GRSF1: variants seen among roughly 807,000 people sequenced by gnomAD.
GRSF1 encodes G-rich RNA sequence binding factor 1.
GRSF1 carries 50 observed loss-of-function variants against 51.1 expected under a neutral mutation model. That is an observed-to-expected ratio of 0.98 (90% CI 0.78 to 1.24). The LOEUF is 1.24. Ranked by LOEUF, GRSF1 falls within the 50% of genes most tolerant of loss-of-function variation. GRSF1 has a pLI of 0.00. For synonymous variants in GRSF1, 293 were observed against 253.3 expected, an observed-to-expected ratio of 1.16 and a Z score of -1.49; for missense variants, 700 against 639.7, an observed-to-expected ratio of 1.09 and a Z score of -1.02.
At chr4:70,821,584 C>A (rs1440360712) in intron 9 of GRSF1, among the ~76,000 whole-genome samples, 1 of 139,512 alleles carries the variant, frequency 7.2e-6, no homozygotes, top group African/African-American at 2.7e-5. Context: ...CCAGCCTGGG[C>A]GACAGAGAGA....
At position 70,826,113 on chromosome 4, in the gene GRSF1, C is replaced by T. The variant is rs550582219; in HGVS notation, c.1257+11G>A. The T allele has an allele frequency of 1.9e-6, 3 of 1,604,560 alleles. No homozygotes were observed. In the African/African-American group the frequency reaches 4.0e-5, roughly 21 times the overall value. On this transcript the variant is annotated intron_variant, in intron 7 of 9. Coordinates refer to ENST00000254799, the MANE Select transcript of GRSF1 (RefSeq NM_002092.4). Reference sequence around the variant, plus strand: ...AAATCTATTGAGATTGGATATCTTACTGCCACACACGTTTATAATGTCTTG... The same window carrying T: ...AAATCTATTGAGATTGGATATCTTATTGCCACACACGTTTATAATGTCTTG...
At position 70,820,766 on chromosome 4, in the gene GRSF1, A is replaced by G. The variant is rs1733466402; in HGVS notation, c.*121T>C. Reference sequence around the variant, plus strand: ...TTCTTAGAAGCAATTAACCCAAAACACCAAAATCATTTCCCTAGCAGTTGC... The same window carrying G: ...TTCTTAGAAGCAATTAACCCAAAACGCCAAAATCATTTCCCTAGCAGTTGC... On this transcript the variant is annotated 3_prime_UTR_variant, in exon 10 of 10. Coordinates refer to ENST00000254799, the MANE Select transcript of GRSF1 (RefSeq NM_002092.4). 1 of 152,668 alleles carries G rather than the reference A, an allele frequency of 6.6e-6. No homozygotes were observed. The highest frequency in any genetic ancestry group is 2.4e-5 in the African/African-American group (1 of 41,448). 9.5% of individuals were successfully genotyped at this position (152,668 alleles called of 1,614,324 possible).
chr4:70,841,506 A>T (rs1387618529), upstream of GRSF1, among the ~76,000 whole-genome samples: 1 of 152,316 alleles, frequency 6.6e-6, no homozygotes, highest in South Asian at 2.1e-4. Context: ...TAGTATTTTT[A>T]AAAACTCCTT....
Position 70,832,307 on chromosome 4 carries a change from C to A in GRSF1, c.814G>T (p.Gly272Ter). The change falls in exon 4 of 10, where the codon GGA becomes TGA. Residue 272 changes from glycine (G) to a stop codon, truncating the protein, a stop_gained and splice_region_variant. Transcript: ENST00000254799. LOFTEE classifies it high-confidence loss of function. ...CAAGCATAATACAACTGCAAAGTACCTGCAAAGAAGTCTACAATGTCTTTC... is the reference window on the plus strand; with the variant it reads ...CAAGCATAATACAACTGCAAAGTACATGCAAAGAAGTCTACAATGTCTTTC... ...NEKDIVDFFA[G>*]LNIVDITFVM... 1 of 1,612,796 alleles carries A rather than the reference C, an allele frequency of 6.2e-7. No individual in the cohort carries two copies. The highest frequency in any genetic ancestry group is 8.5e-7 in the Non-Finnish European group (1 of 1,179,122).
chr4:70,817,785 C>A lies in GRSF1; in HGVS notation c.*3102G>T, dbSNP rs1030223822. ...GGTATTTACCCAAAGGAGCTGAAAA[C>A]GAGTCTACACAAAAACCTGCACATA... is the stretch of plus-strand genomic sequence containing the variant. On this transcript the variant is annotated 3_prime_UTR_variant, in exon 10 of 10. Coordinates refer to ENST00000254799, the MANE Select transcript of GRSF1 (RefSeq NM_002092.4). 3.3e-5 allele frequency: 5 copies of A among 151,684 alleles called. No homozygotes were observed. The highest frequency in any genetic ancestry group is 1.3e-4 in the Admixed American group (2 of 15,244). 9.4% of individuals were successfully genotyped at this position (151,684 alleles called of 1,614,324 possible).
intron 5 of GRSF1, among the ~76,000 whole-genome samples, chr4:70,830,839 AT>A (rs1476668009): frequency 6.6e-6 from 1 of 152,004 alleles, no homozygotes; most frequent in Non-Finnish European, 1.5e-5. Flanking sequence ...AAAAAAGGCT[AT>A]TTTTGGTATA....
intron 9 of GRSF1, among the ~76,000 whole-genome samples, chr4:70,823,348 G>A (rs947168639): frequency 6.6e-6 from 1 of 151,874 alleles, no homozygotes; most frequent in Non-Finnish European, 1.5e-5. Flanking sequence ...AGTGAGTGGA[G>A]ATCGAGCCAT....
In GRSF1 at chr4:70,815,862, T is replaced by C. The variant is rs763973360; in HGVS notation, c.*5025A>G. 3 of 152,226 alleles carry C rather than the reference T, an allele frequency of 2.0e-5. No individual in the cohort carries two copies. Among genetic ancestry groups the C allele is most frequent in the Non-Finnish European group, 2.9e-5 (2 of 68,038 alleles). The allele number at this position is 152,226 out of a possible 1,614,324, so 9.4% of individuals were successfully genotyped here. On this transcript the variant is annotated 3_prime_UTR_variant, in exon 10 of 10. Transcript: ENST00000254799. ...ATTGTTCACCAGTTAGTTGTTCACC[T>C]AACAGGTGAAACGTTAAAATGTGGC...
chr4:70,832,155 A>G (rs192029499), intron 4 of GRSF1, among the ~76,000 whole-genome samples, 152 bp downstream of exon 4: 4 of 152,258 alleles, frequency 2.6e-5, no homozygotes, highest in Admixed American at 2.6e-4. Flanking sequence ...TATAAAATCT[A>G]TAAATATTAG....
intron 5 of GRSF1, among the ~76,000 whole-genome samples, chr4:70,829,695 C>A: frequency 6.6e-6 from 1 of 152,086 alleles, no homozygotes; most frequent in East Asian, 1.9e-4. Context: ...GTACCAGCTA[C>A]AAGGAAAGCT....
Position 70,823,959 on chromosome 4 carries a change from C to CACAGTTGT in GRSF1, c.*25+327_*25+334dup, listed in dbSNP as rs1386118237. The stretch of plus-strand genomic sequence containing the variant: ...TAGTTTATCAATAGCAAATAATTTC[C>CACAGTTGT]ACAGTTGTATCTCTCTCTTTTTTTT... On this transcript the variant is annotated intron_variant, in intron 9 of 9. Coordinates refer to ENST00000254799, the MANE Select transcript of GRSF1 (RefSeq NM_002092.4). 6.5e-3 allele frequency among the ~76,000 whole-genome samples: 939 copies of CACAGTTGT among 145,156 alleles called. 3 individuals are homozygous for CACAGTTGT. Among genetic ancestry groups the CACAGTTGT allele is most frequent in the Non-Finnish European group, 0.011 (720 of 66,712 alleles).
intron 6 of GRSF1, among the ~76,000 whole-genome samples, chr4:70,827,376 CCTTTT>C (rs980266601): frequency 2.1e-4 from 32 of 152,218 alleles, no homozygotes; most frequent in African/African-American, 7.7e-4. Context: ...CATCTTACTT[CCTTTT>C]ATCACATTTT....
intron 1 of GRSF1, chr4:70,839,079 C>T: frequency 1.6e-6 from 2 of 1,251,072 alleles, no homozygotes; most frequent in South Asian, 1.3e-5. Flanking sequence ...ACGGAAACTC[C>T]CAACCCTCCG....
At chr4:70,843,151 C>T (rs1047263810), upstream of GRSF1, among the ~76,000 whole-genome samples, 4 of 152,132 alleles carry the variant, frequency 2.6e-5, no homozygotes, top group Non-Finnish European at 5.9e-5. Flanking sequence ...AAAGACCAAA[C>T]CAAAATGCAG....
intron 1 of GRSF1, chr4:70,839,093 G>A (rs1172502435): frequency 3.3e-5 from 42 of 1,274,782 alleles, no homozygotes; most frequent in African/African-American, 6.1e-5. Context: ...CCCTCCGGCG[G>A]GCTCGGGCCT....
rs771806487 is a variant in GRSF1 at position 70,832,439 on chromosome 4, T to TTG, written c.681_682insCA (p.Asn228GlnfsTer9). The TTG allele has an allele frequency of 1.2e-6, 2 of 1,602,512 alleles. No homozygotes were observed. Among genetic ancestry groups the TTG allele is most frequent in the Non-Finnish European group, 1.7e-6 (2 of 1,169,624 alleles). On this transcript the variant is annotated frameshift_variant, in exon 4 of 10. Transcript: ENST00000254799. LOFTEE classifies it high-confidence loss of function. ...ATTAAGGCATCCACATCTTCATTGT[T>TTG]TATCTCATATACTACGAAGAAAAAA...
upstream of GRSF1, chr4:70,840,020 GGGCTGCCCATGGTT>G (rs1252203070): frequency 1.9e-6 from 1 of 520,422 alleles, no homozygotes; most frequent in Non-Finnish European, 3.3e-6. Flanking sequence ...CCCTTGGGCG[GGGCTGCCCATGGTT>G]TGGGCGGGGC....
upstream of GRSF1, among the ~76,000 whole-genome samples, chr4:70,841,773 G>C (rs976749793): frequency 8.5e-5 from 13 of 152,286 alleles, 1 homozygote; most frequent in Middle Eastern, 6.8e-3. Context: ...GAAAAAAATT[G>C]ATAGGCTTGG....
intron 7 of GRSF1, 21 bp from the exon 8 acceptor site, chr4:70,825,452 G>A (rs1283873241): frequency 6.3e-7 from 1 of 1,598,806 alleles, no homozygotes; most frequent in East Asian, 2.2e-5. Flanking sequence ...AACAAAGGCA[G>A]TCAAGAGGAA....
Sources: allele counts gnomAD v4.1 joint callset (sites outside exome capture counted in the v4.1 genomes callset), GRCh38; gene constraint gnomAD v4.1.1; transcripts MANE v1.5; gene names NCBI Gene and HGNC (gene_info 2026-07-23, HGNC 2026-07-21).